SGCD: variants seen among roughly 807,000 people sequenced by gnomAD.
SGCD encodes the protein sarcoglycan delta.
Under a neutral mutation model 36.6 loss-of-function variants are expected in SGCD, and 18 were observed. That is an observed-to-expected ratio of 0.49 (90% CI 0.34 to 0.73). The LOEUF (loss-of-function observed/expected upper bound fraction) is 0.73, where lower values mean the gene tolerates loss of function less well. Among genes scored for constraint, SGCD ranks in the 30% least tolerant of loss-of-function variants. SGCD has a pLI of 0.01. For missense variants in SGCD, 387 were observed against 346.7 expected (o/e 1.12, Z -0.92); for synonymous variants, 133 against 130.6 (o/e 1.02, Z -0.12).
intron 7 of SGCD, among the ~76,000 whole-genome samples, chr5:156,701,050 CT>C (rs577346889): frequency 2.1e-3 from 320 of 152,128 alleles, no homozygotes; most frequent in African/African-American, 7.4e-3. Flanking sequence ...ATCTCATCTG[CT>C]TTCATGGTTT....
At chr5:155,994,596 C>T (rs1481575999) in intron 1 of SGCD, among the ~76,000 whole-genome samples, 1 of 152,156 alleles carries the variant, frequency 6.6e-6, no homozygotes, top group Non-Finnish European at 1.5e-5. Flanking sequence ...TTGCTATTTA[C>T]CAGCTTTGGT....
chr5:156,326,433 G>A (rs983200406), upstream of SGCD, among the ~76,000 whole-genome samples: 2 of 152,188 alleles, frequency 1.3e-5, no homozygotes, highest in African/African-American at 4.8e-5. Flanking sequence ...CACTGTTGCA[G>A]AACAGAGAGC....
chr5:156,510,645 G>A (rs558786753), intron 4 of SGCD, among the ~76,000 whole-genome samples: 9 of 151,718 alleles, frequency 5.9e-5, no homozygotes, highest in Non-Finnish European at 1.0e-4. Context: ...AACTTGAATA[G>A]CATTCTTAGT....
chr5:156,337,856 T>C, intron 2 of SGCD, among the ~76,000 whole-genome samples: 1 of 152,124 alleles, frequency 6.6e-6, no homozygotes, highest in Non-Finnish European at 1.5e-5. Flanking sequence ...GAAAAATAGA[T>C]TGGGATTGGA....
At chr5:156,490,505 C>T (rs1346569816) in intron 3 of SGCD, among the ~76,000 whole-genome samples, 3 of 149,480 alleles carry the variant, frequency 2.0e-5, no homozygotes, top group Non-Finnish European at 4.5e-5. Context: ...AAAAAATACA[C>T]ATAATCAAGT....
chr5:156,604,545 T>C (rs1024402481), intron 6 of SGCD, among the ~76,000 whole-genome samples: 11 of 151,974 alleles, frequency 7.2e-5, no homozygotes, highest in African/African-American at 1.9e-4. Context: ...TGAAGTCTTA[T>C]AGTTACAATA....
At chr5:156,321,085 T>A (rs1767651155) in intron 3 of SGCD, among the ~76,000 whole-genome samples, 1 of 152,146 alleles carries the variant, frequency 6.6e-6, no homozygotes. Context: ...GCCTAAATAT[T>A]GCCTCATAAT....
intron 3 of SGCD, among the ~76,000 whole-genome samples, chr5:156,301,635 T>G (rs760311605): frequency 3.9e-5 from 6 of 152,150 alleles, no homozygotes; most frequent in Non-Finnish European, 7.4e-5. Flanking sequence ...TTACTGCTAA[T>G]TAATACCTTT....
the SGCD span, among the ~76,000 whole-genome samples, chr5:155,803,006 A>G: frequency 1.3e-5 from 2 of 152,228 alleles, no homozygotes; most frequent in Non-Finnish European, 2.9e-5. Flanking sequence ...GAAAGAAGAC[A>G]TGACAAAATA....
At chr5:156,648,329 T>A (rs1252998598) in intron 7 of SGCD, among the ~76,000 whole-genome samples, 1 of 151,782 alleles carries the variant, frequency 6.6e-6, no homozygotes, top group African/African-American at 2.4e-5. Flanking sequence ...TATATGGCAC[T>A]GAATAACTGT....
intron 2 of SGCD, among the ~76,000 whole-genome samples, chr5:156,121,897 A>G (rs552223695): frequency 6.6e-6 from 1 of 152,232 alleles, no homozygotes; most frequent in Admixed American, 6.5e-5. Context: ...TAACAATGAG[A>G]TTTCAGTATT....
At chr5:156,195,683 G>A (rs369762353) in intron 3 of SGCD, among the ~76,000 whole-genome samples, 9 of 152,160 alleles carry the variant, frequency 5.9e-5, no homozygotes, top group African/African-American at 2.2e-4. Context: ...CTGCTCTTCC[G>A]TACCTTGCTT....
chr5:156,606,695 C>T (rs1581244137), intron 6 of SGCD, among the ~76,000 whole-genome samples: 1 of 152,256 alleles, frequency 6.6e-6, no homozygotes. Flanking sequence ...AATGTTCTTC[C>T]ATTTCTTTGT....
At chr5:155,745,270 TGTGA>T in the SGCD span, among the ~76,000 whole-genome samples, 2 of 152,222 alleles carry the variant, frequency 1.3e-5, no homozygotes, top group African/African-American at 4.8e-5. Context: ...CTGGTAAAAA[TGTGA>T]GTGAGTTTAA....
chr5:156,470,729 C>A (rs1053457629), intron 3 of SGCD, among the ~76,000 whole-genome samples: 7 of 152,152 alleles, frequency 4.6e-5, no homozygotes, highest in African/African-American at 1.4e-4. Flanking sequence ...TGAGCAAATA[C>A]AGAGGATCTC....
chr5:156,088,409 C>T (rs1215913954), intron 1 of SGCD, among the ~76,000 whole-genome samples: 1 of 152,138 alleles, frequency 6.6e-6, no homozygotes, highest in Non-Finnish European at 1.5e-5. Context: ...CTGTCCACTA[C>T]TTAAGGTCTT....
the SGCD span, among the ~76,000 whole-genome samples, chr5:155,775,743 T>C: frequency 7.2e-6 from 1 of 137,994 alleles, no homozygotes; most frequent in East Asian, 1.9e-4. Context: ...ACTAAACTTC[T>C]ATGAGGTGCC....
In SGCD at chr5:155,947,286, A is replaced by G. The variant is rs988422507; in HGVS notation, c.-282+76862A>G. Among the ~76,000 whole-genome samples the G allele has an allele frequency of 8.1e-5, 11 of 136,082 alleles. No homozygotes were observed. In the Admixed American group the frequency reaches 8.6e-4, roughly 11 times the overall value. 89.3% of individuals were successfully genotyped at this position (136,082 alleles called of 152,430 possible). A position where few individuals can be genotyped will look rare whatever the true frequency, so the allele number is the denominator to read the frequency against. ...ACATTGTTAGCTTGGTATTATCATA[A>G]ATACTCTTGTGTGTGTGTGTGTGTG... On this transcript the variant is annotated intron_variant, in intron 1 of 9. Transcript: ENST00000517913.
chr5:155,944,263 A>T (rs539292864), intron 1 of SGCD, among the ~76,000 whole-genome samples: 1 of 152,192 alleles, frequency 6.6e-6, no homozygotes, highest in Non-Finnish European at 1.5e-5. Flanking sequence ...CAAAGGAAAA[A>T]TTATAGGGTT....
Sources: allele counts gnomAD v4.1 joint callset (sites outside exome capture counted in the v4.1 genomes callset), GRCh38; gene constraint gnomAD v4.1.1; transcripts MANE v1.5; gene names NCBI Gene and HGNC (gene_info 2026-07-23, HGNC 2026-07-21).